GRID1: variants seen among roughly 807,000 people sequenced by gnomAD.
The protein encoded by GRID1 is glutamate receptor ionotropic, delta-1.
In GRID1, 28 loss-of-function variants were observed where a neutral mutation model predicts 98.0. The ratio of observed to expected loss-of-function variants is 0.29; its 90% confidence interval spans 0.21 to 0.39. The LOEUF (loss-of-function observed/expected upper bound fraction) is 0.39, where lower values mean the gene tolerates loss of function less well. GRID1 is among the 10% of genes least tolerant of loss of function. The pLI, the probability that GRID1 is intolerant of heterozygous loss-of-function variation, is 1.00. For synonymous variants in GRID1, 553 were observed against 538.5 expected, an observed-to-expected ratio of 1.03 and a Z score of -0.37; for missense variants, 1,111 against 1,340.5, an observed-to-expected ratio of 0.83 and a Z score of 2.67.
At chr10:86,025,569 A>G (rs1429290470) in intron 4 of GRID1, among the ~76,000 whole-genome samples, 4 of 152,164 alleles carry the variant, frequency 2.6e-5, no homozygotes, top group Non-Finnish European at 5.9e-5. Flanking sequence ...CCCCAACCAC[A>G]ACCCCAGAAC....
intron 2 of GRID1, among the ~76,000 whole-genome samples, chr10:86,212,302 C>T (rs564216530): frequency 2.0e-5 from 3 of 152,228 alleles, no homozygotes; most frequent in Admixed American, 6.5e-5. Flanking sequence ...TCTGCCCATG[C>T]AGCCCCTGCA....
At chr10:86,213,686 T>C (rs535344647) in intron 2 of GRID1, among the ~76,000 whole-genome samples, 2 of 152,236 alleles carry the variant, frequency 1.3e-5, no homozygotes, top group Admixed American at 6.5e-5. Context: ...CCCGGCCCTA[T>C]TGAGGGCTCT....
intron 4 of GRID1, among the ~76,000 whole-genome samples, chr10:85,995,849 A>T (rs1842733370): frequency 6.6e-6 from 1 of 152,248 alleles, no homozygotes; most frequent in Admixed American, 6.5e-5. Context: ...TCAGGAAAGC[A>T]ACTCTAACAA....
At chr10:86,245,216 G>A (rs954735729) in intron 2 of GRID1, among the ~76,000 whole-genome samples, 5 of 152,180 alleles carry the variant, frequency 3.3e-5, no homozygotes, top group African/African-American at 1.2e-4. Context: ...ATTAAGCCAG[G>A]GGAGGGAAGA....
intron 2 of GRID1, among the ~76,000 whole-genome samples, chr10:86,281,683 CAG>C (rs1377857847): frequency 1.3e-5 from 2 of 152,218 alleles, no homozygotes; most frequent in South Asian, 2.1e-4. Flanking sequence ...AGGCCTAGGA[CAG>C]TAGTCCTAGG....
rs76590186 is a variant in GRID1, at chr10:85,975,996, C to T, written c.727-59757G>A. Among the ~76,000 whole-genome samples, 1,425 of 152,292 alleles carry T rather than the reference C, an allele frequency of 9.4e-3. 23 individuals are homozygous for T. The highest frequency in any genetic ancestry group is 0.033 in the African/African-American group (1,371 of 41,568). ...GCCCCAGGAGAGCTCACCTATGGCTCAGGCACCCTCTGCCTCTGTTCACCT... is the reference window on the plus strand; with the variant it reads ...GCCCCAGGAGAGCTCACCTATGGCTTAGGCACCCTCTGCCTCTGTTCACCT... On this transcript the variant is annotated intron_variant, in intron 4 of 15. Coordinates refer to ENST00000327946, the MANE Select transcript of GRID1 (RefSeq NM_017551.3).
intron 2 of GRID1, among the ~76,000 whole-genome samples, chr10:86,324,998 A>G (rs780350953): frequency 1.3e-5 from 2 of 151,872 alleles, no homozygotes; most frequent in Non-Finnish European, 2.9e-5. Context: ...GATAAAAGAC[A>G]CCATCTACAC....
At chr10:86,046,396 C>A (rs1843424772) in intron 4 of GRID1, among the ~76,000 whole-genome samples, 1 of 152,168 alleles carries the variant, frequency 6.6e-6, no homozygotes, top group Non-Finnish European at 1.5e-5. Flanking sequence ...TACCCTACCA[C>A]CAGCTCGCCC....
At chr10:85,742,515 T>C (rs887794570) in intron 8 of GRID1, among the ~76,000 whole-genome samples, 8 of 152,218 alleles carry the variant, frequency 5.3e-5, no homozygotes, top group Non-Finnish European at 8.8e-5. Flanking sequence ...CAAGGTTCAA[T>C]TGTCACTTTA....
intron 2 of GRID1, among the ~76,000 whole-genome samples, chr10:86,214,701 TA>T (rs965057120): frequency 6.6e-6 from 1 of 151,696 alleles, no homozygotes; most frequent in South Asian, 2.1e-4. Flanking sequence ...TGTCTCTACT[TA>T]AAAAAAATAC....
chr10:86,319,025 C>A (rs1356699195), intron 2 of GRID1, among the ~76,000 whole-genome samples: 3 of 152,084 alleles, frequency 2.0e-5, no homozygotes, highest in Non-Finnish European at 2.9e-5. Context: ...AGAAGGGAAG[C>A]CATTTGAATG....
At chr10:85,996,250 C>T (rs1454933041) in intron 4 of GRID1, among the ~76,000 whole-genome samples, 1 of 152,138 alleles carries the variant, frequency 6.6e-6, no homozygotes, top group African/African-American at 2.4e-5. Flanking sequence ...CAAACATCAA[C>T]CCAAAGATGA....
At chr10:85,627,268 T>A (rs1031447263) in intron 13 of GRID1, among the ~76,000 whole-genome samples, 8 of 152,328 alleles carry the variant, frequency 5.3e-5, no homozygotes, top group Non-Finnish European at 8.8e-5. Context: ...TTGTTTAACA[T>A]CTCTGAGTCT....
chr10:85,880,151 G>C (rs1016276720), intron 5 of GRID1, among the ~76,000 whole-genome samples: 1 of 152,124 alleles, frequency 6.6e-6, no homozygotes, highest in African/African-American at 2.4e-5. Flanking sequence ...ACCAAAAAAA[G>C]TCCGGGACCA....
chr10:86,097,562 AATCT>A (rs1003343247), intron 4 of GRID1, among the ~76,000 whole-genome samples: 4 of 152,262 alleles, frequency 2.6e-5, no homozygotes, highest in African/African-American at 7.2e-5. Context: ...ATCTATCTAT[AATCT>A]ATCTATCTGT....
At chr10:86,121,264 G>C (rs1844660762) in intron 4 of GRID1, among the ~76,000 whole-genome samples, 2 of 150,696 alleles carry the variant, frequency 1.3e-5, no homozygotes, top group African/African-American at 2.5e-5. Context: ...TGTCCCTAAA[G>C]TTGCAATTTC....
chr10:86,025,727 C>T (rs971261880), intron 4 of GRID1, among the ~76,000 whole-genome samples: 6 of 152,196 alleles, frequency 3.9e-5, no homozygotes, highest in Non-Finnish European at 5.9e-5. Context: ...ACTGTGTATA[C>T]AAGCGGATAT....
chr10:85,960,130 C>G (rs1842247365), intron 4 of GRID1, among the ~76,000 whole-genome samples: 1 of 152,148 alleles, frequency 6.6e-6, no homozygotes, highest in African/African-American at 2.4e-5. Context: ...AAACTCCTGA[C>G]CTCAAGTGAT....
chr10:86,185,395 T>A (rs1845713910), intron 3 of GRID1, among the ~76,000 whole-genome samples: 1 of 152,178 alleles, frequency 6.6e-6, no homozygotes, highest in Non-Finnish European at 1.5e-5. Context: ...ATTTTGCACA[T>A]GGATGATCAT....
Sources: gnomAD v4.1 joint callset for allele counts (sites outside exome capture counted in the v4.1 genomes callset) on GRCh38, gnomAD v4.1.1 for gene constraint, MANE v1.5 for transcripts, NCBI Gene and HGNC (gene_info 2026-07-23, HGNC 2026-07-21) for gene names.